Variants in SLC17A1 observed in about 807,000 individuals in gnomAD.
SLC17A1 encodes sodium-dependent phosphate transport protein 1.
A neutral mutation model predicts 53.5 loss-of-function variants in SLC17A1; 51 were observed. That is an observed-to-expected ratio of 0.95 (90% CI 0.76 to 1.20). The LOEUF (loss-of-function observed/expected upper bound fraction) is 1.20, where lower values mean the gene tolerates loss of function less well. SLC17A1 is among the 50% of genes most tolerant of loss of function. The probability of loss-of-function intolerance (pLI) is 0.00; values close to 1 mark genes in which losing one functional copy is unlikely to be tolerated. For missense variants in SLC17A1, 538 were observed against 568.2 expected, an observed-to-expected ratio of 0.95 and a Z score of 0.54; for synonymous variants, 179 against 198.8, an observed-to-expected ratio of 0.90 and a Z score of 0.84.
the SLC17A1 span, among the ~76,000 whole-genome samples, chr6:25,740,470 C>A: frequency 6.6e-6 from 1 of 152,048 alleles, no homozygotes; most frequent in Non-Finnish European, 1.5e-5. Context: ...TTAGACTGAA[C>A]TTCTAATTTC....
intron 3 of SLC17A1, among the ~76,000 whole-genome samples, chr6:25,823,044 G>A (rs1360632380): frequency 6.6e-6 from 1 of 151,976 alleles, no homozygotes; most frequent in Non-Finnish European, 1.5e-5. Context: ...TTAAGGGAAT[G>A]CTACGGTATG....
chr6:25,732,900 A>C, the SLC17A1 span: 1 of 252,092 alleles, frequency 4.0e-6, no homozygotes, highest in Non-Finnish European at 7.7e-6. Context: ...AAAAACAAAA[A>C]CAAAAACCCC....
At chr6:25,736,803 C>T in the SLC17A1 span, among the ~76,000 whole-genome samples, 2 of 152,302 alleles carry the variant, frequency 1.3e-5, no homozygotes, top group Admixed American at 6.5e-5. Flanking sequence ...ATAAAATTAA[C>T]ACCCTATTAT....
chr6:25,811,865 G>A, intron 8 of SLC17A1, 95 bp from the exon 9 acceptor site: 1 of 1,329,686 alleles, frequency 7.5e-7, no homozygotes, highest in Non-Finnish European at 1.1e-6. Flanking sequence ...TATCTAAAAT[G>A]TGTACTTTCA....
the SLC17A1 span, among the ~76,000 whole-genome samples, chr6:25,728,454 A>G: frequency 6.6e-6 from 1 of 152,182 alleles, no homozygotes; most frequent in Admixed American, 6.5e-5. Flanking sequence ...AATTTGTTTA[A>G]CGCATCTTCA....
At chr6:25,746,332 G>A in the SLC17A1 span, among the ~76,000 whole-genome samples, 1 of 151,902 alleles carries the variant, frequency 6.6e-6, no homozygotes, top group Non-Finnish European at 1.5e-5. Flanking sequence ...GTGCAAGGAT[G>A]TCCATGATTC....
intron 10 of SLC17A1, among the ~76,000 whole-genome samples, 185 bp downstream of exon 10, chr6:25,811,213 A>C (rs528767865): frequency 1.3e-5 from 2 of 152,134 alleles, no homozygotes; most frequent in African/African-American, 4.8e-5. Flanking sequence ...GAAAATTCCT[A>C]AGAGTAAATT....
Position 25,826,479 on chromosome 6 carries a change from CT to C in SLC17A1, c.188del (p.Lys63SerfsTer6), listed in dbSNP as rs1764744902. On this transcript the variant is annotated frameshift_variant, in exon 3 of 13. Transcript: ENST00000244527. LOFTEE classifies it high-confidence loss of function. ...PHGLPNTSTKKLLDNIKNPMY... is the reference protein window; with the variant it reads ...PHGLPNTSTKXLLDNIKNPMY... ...GATGTACCTTTATATTATCCAGGAG[CT>C]TCTTTGTGGAGGTGTTGGGCAAACC... 6.2e-7 allele frequency: 1 copy of C among 1,605,038 alleles called. No individual in the cohort carries two copies. The highest frequency in any genetic ancestry group is 1.3e-5 in the African/African-American group (1 of 74,286).
downstream of SLC17A1, chr6:25,777,937 T>C (rs1290679401): frequency 6.2e-7 from 1 of 1,613,086 alleles, no homozygotes; most frequent in Non-Finnish European, 8.5e-7. Context: ...TACACTGGCT[T>C]TCTCAAAGGA....
chr6:25,812,069 G>A (rs936602298), intron 8 of SLC17A1, among the ~76,000 whole-genome samples: 14 of 152,162 alleles, frequency 9.2e-5, no homozygotes, highest in African/African-American at 3.4e-4. Context: ...TACCGGCCCT[G>A]GGGAAAATGA....
intron 5 of SLC17A1, among the ~76,000 whole-genome samples, 159 bp from the exon 6 acceptor site, chr6:25,819,313 CTT>C (rs913267355): frequency 1.2e-4 from 19 of 152,288 alleles, no homozygotes; most frequent in African/African-American, 3.6e-4. Context: ...TCTTTTCTCT[CTT>C]TTTCTCTGTT....
chr6:25,741,415 C>CAAA, the SLC17A1 span, among the ~76,000 whole-genome samples: 174 of 82,896 alleles, frequency 2.1e-3, 1 homozygote, highest in African/African-American at 8.5e-3. Context: ...ACTAAGAATC[C>CAAA]AAAAAAAAAA....
At chr6:25,807,781 G>C (rs1341391144) in intron 10 of SLC17A1, among the ~76,000 whole-genome samples, 1 of 152,054 alleles carries the variant, frequency 6.6e-6, no homozygotes, top group Non-Finnish European at 1.5e-5. Context: ...CCAGGTTACT[G>C]TGAATGGCAT....
Position 25,830,522 on chromosome 6 carries a change from AC to A in SLC17A1, c.34+1del, listed in dbSNP as rs1305303053. ...GTTTAATGGAACAGAATAAAGTGCT[AC>A]CTTTTTTGGGAGGCAACCGGTTATC... On this transcript the variant is annotated splice_donor_variant, in intron 2 of 12. Coordinates refer to ENST00000244527, the MANE Select transcript of SLC17A1 (RefSeq NM_005074.5). LOFTEE classifies it high-confidence loss of function. 1 of 1,609,116 alleles carries A rather than the reference AC, an allele frequency of 6.2e-7. No homozygotes were observed. The highest frequency in any genetic ancestry group is 8.5e-7 in the Non-Finnish European group (1 of 1,175,544).
At chr6:25,788,270 A>G (rs953546007) in intron 12 of SLC17A1, among the ~76,000 whole-genome samples, 3 of 152,206 alleles carry the variant, frequency 2.0e-5, no homozygotes, top group Non-Finnish European at 4.4e-5. Flanking sequence ...AAAATTTTAG[A>G]TTAAATCTAA....
At chr6:25,778,080 T>C, downstream of SLC17A1, 1 of 1,237,012 alleles carries the variant, frequency 8.1e-7, no homozygotes, top group Non-Finnish European at 1.2e-6. Flanking sequence ...TTTTTTCACA[T>C]ATGCACGGCC....
At chr6:25,732,450 T>C in the SLC17A1 span, 2 of 297,486 alleles carry the variant, frequency 6.7e-6, no homozygotes, top group Non-Finnish European at 1.3e-5. Context: ...GGCTATGTCT[T>C]AGACTAGGGA....
chr6:25,755,128 T>A, the SLC17A1 span, among the ~76,000 whole-genome samples: 1 of 151,774 alleles, frequency 6.6e-6, no homozygotes, highest in East Asian at 1.9e-4. Flanking sequence ...AAATGATATA[T>A]TTGGATTGTT....
intron 6 of SLC17A1, 42 bp from the exon 7 acceptor site, chr6:25,813,255 T>C (rs768178560): frequency 2.2e-5 from 32 of 1,478,114 alleles, no homozygotes; most frequent in Non-Finnish European, 3.0e-5. Flanking sequence ...TCTCTGTTTG[T>C]AGTGGATCTC....
Sources: gnomAD v4.1 joint callset for allele counts (sites outside exome capture counted in the v4.1 genomes callset) on GRCh38, gnomAD v4.1.1 for gene constraint, MANE v1.5 for transcripts, NCBI Gene and HGNC (gene_info 2026-07-23, HGNC 2026-07-21) for gene names.